QSER1: variants seen among roughly 807,000 people sequenced by gnomAD.
QSER1 encodes glutamine and serine rich 1.
Under a neutral mutation model 158.5 loss-of-function variants are expected in QSER1, and 49 were observed. That is an observed-to-expected ratio of 0.31 (90% confidence interval 0.25 to 0.39). The LOEUF (loss-of-function observed/expected upper bound fraction) is 0.39, where lower values mean the gene tolerates loss of function less well. Ranked by LOEUF, QSER1 falls within the 10% of genes least tolerant of loss-of-function variation. QSER1 has a pLI of 1.00. For synonymous variants in QSER1, 650 were observed against 715.5 expected, an observed-to-expected ratio of 0.91 and a Z score of 1.46; for missense variants, 1,754 against 2,010.3, an observed-to-expected ratio of 0.87 and a Z score of 2.44.
intron 4 of QSER1, among the ~76,000 whole-genome samples, chr11:32,938,528 C>G (rs1852185774): frequency 6.6e-6 from 1 of 152,172 alleles, no homozygotes; most frequent in Non-Finnish European, 1.5e-5. Context: ...TTTCACAGTT[C>G]CATGGTAAAT....
In QSER1 at chr11:32,954,042, G is replaced by T. The variant is rs766166263; in HGVS notation, c.4363G>T (p.Asp1455Tyr). The T allele has an allele frequency of 8.7e-6, 14 of 1,614,132 alleles. No individual in the cohort carries two copies. Among genetic ancestry groups the T allele is most frequent in the Non-Finnish European group, 1.1e-5 (13 of 1,180,028 alleles). ...CATTGAACTTGATGGTCTTCCTTCA[G>T]ACCAGTTTGCAAAAGGACAGGACAC... The part of the protein sequence containing the change: ...KPIELDGLPS[D>Y]QFAKGQDTVA... Residue 1455 changes from aspartate to tyrosine, a missense_variant, in exon 5 of 13, where the codon GAC (aspartate) becomes TAC (tyrosine). This residue lies in a region of QSER1 where 1,707 missense variants were observed against 1,919.6 expected (regional missense o/e 0.89). Coordinates refer to ENST00000650167, the MANE Select transcript of QSER1 (RefSeq NM_001076786.3).
At chr11:32,939,568 C>T (rs1022223368) in intron 4 of QSER1, among the ~76,000 whole-genome samples, 2 of 152,076 alleles carry the variant, frequency 1.3e-5, no homozygotes, top group African/African-American at 4.8e-5. Flanking sequence ...CTATTAACAT[C>T]CTCTGAAGAA....
At chr11:32,963,573 G>A (rs1322297855) in intron 8 of QSER1, among the ~76,000 whole-genome samples, 1 of 152,014 alleles carries the variant, frequency 6.6e-6, no homozygotes, top group African/African-American at 2.4e-5. Flanking sequence ...GGTTGGTCTT[G>A]AATGCTTGAC....
intron 7 of QSER1, among the ~76,000 whole-genome samples, 190 bp downstream of exon 7, chr11:32,956,311 T>G (rs1305456246): frequency 1.3e-5 from 2 of 152,110 alleles, no homozygotes; most frequent in Admixed American, 1.3e-4. Context: ...CATGGCTATC[T>G]GTGGTGGGTG....
Position 32,964,729 on chromosome 11 carries a change from TATATATATATAC to T in QSER1, c.4970-1569_4970-1558del, listed in dbSNP as rs1359687808. On this transcript the variant is annotated intron_variant, in intron 8 of 12. Transcript: ENST00000650167. ...AAAAAAAAAACACCATATATATATA[TATATATATATAC>T]ACACACACACACACACACACACACA... Among the ~76,000 whole-genome samples, 280 of 115,056 alleles carry T rather than the reference TATATATATATAC, an allele frequency of 2.4e-3. 2 individuals carry two copies. The highest frequency in any genetic ancestry group is 4.3e-3 in the Middle Eastern group (1 of 230). 75.5% of individuals were successfully genotyped at this position (115,056 alleles called of 152,430 possible).
chr11:32,944,426 G>A (rs1437940700), intron 4 of QSER1, among the ~76,000 whole-genome samples: 4 of 150,486 alleles, frequency 2.7e-5, no homozygotes. Flanking sequence ...AGAGATTCTG[G>A]TATGTTGTGT....
Position 32,972,346 on chromosome 11 carries a change from T to G in QSER1, c.5206-1051T>G, listed in dbSNP as rs188588671. On this transcript the variant is annotated intron_variant, in intron 10 of 12. Transcript: ENST00000650167. ...ACAAGTATCATTCAGTTATTGTTTGTAGCTTTTCAGTCAGGCAGAATGATT... is the reference window on the plus strand; with the variant it reads ...ACAAGTATCATTCAGTTATTGTTTGGAGCTTTTCAGTCAGGCAGAATGATT... 2.6e-5 allele frequency among the ~76,000 whole-genome samples: 4 copies of G among 152,110 alleles called. No individual in the cohort carries two copies. In the East Asian group the frequency reaches 7.7e-4, roughly 29 times the overall value.
At chr11:32,973,284 C>A in intron 10 of QSER1, 113 bp from the exon 11 acceptor site, 1 of 1,103,870 alleles carries the variant, frequency 9.1e-7, no homozygotes, top group Non-Finnish European at 1.4e-6. Context: ...TGCACACACA[C>A]CTCTCTGCAA....
intron 10 of QSER1, 29 bp from the exon 11 acceptor site, chr11:32,973,368 G>T (rs200356060): frequency 1.8e-4 from 289 of 1,610,512 alleles, no homozygotes; most frequent in Middle Eastern, 1.4e-3. Context: ...TTCTTCTGGT[G>T]TCAGTTATTT....
At chr11:32,953,823 A>T in intron 4 of QSER1, 34 bp from the exon 5 acceptor site, 1 of 1,567,702 alleles carries the variant, frequency 6.4e-7, no homozygotes, top group Non-Finnish European at 8.6e-7. Flanking sequence ...AAATATTTGT[A>T]ATACTGATTT....
intron 9 of QSER1, among the ~76,000 whole-genome samples, chr11:32,966,723 G>A (rs998832963): frequency 3.9e-5 from 6 of 152,050 alleles, no homozygotes; most frequent in African/African-American, 1.5e-4. Context: ...CTAAGTGTTA[G>A]TATTACATGA....
intron 1 of QSER1, among the ~76,000 whole-genome samples, chr11:32,902,557 C>T (rs75097741): frequency 0.019 from 2,937 of 152,284 alleles, 45 homozygotes; most frequent in South Asian, 0.038. Flanking sequence ...TCTAAAGTCC[C>T]ACCAGGTTTC....
chr11:32,968,448 A>G (rs1395163643), intron 9 of QSER1, among the ~76,000 whole-genome samples: 1 of 152,230 alleles, frequency 6.6e-6, no homozygotes, highest in East Asian at 1.9e-4. Flanking sequence ...GAGTGGTGAC[A>G]CTGAAAGCCA....
rs1590167243 is a variant in QSER1, at chr11:32,934,116, A to C, written c.2858A>C (p.Lys953Thr). Residue 953 changes from lysine to threonine, a missense_variant, in exon 4 of 13, where the codon AAG (lysine) becomes ACG (threonine). Transcript: ENST00000650167. ...HFSETNQHDS[K>T]NQFVSLGSMC... ...AGTGAAACAAATCAACATGATTCAA[A>C]GAATCAGTTTGTTTCTCTTGGATCG... is the stretch of plus-strand genomic sequence containing the variant. 1 of 1,613,854 alleles carries C rather than the reference A, an allele frequency of 6.2e-7. No homozygotes were observed. The highest frequency in any genetic ancestry group is 2.2e-5 in the East Asian group (1 of 44,878).
chr11:32,969,843 CCTGG>C (rs1372090575), intron 10 of QSER1, among the ~76,000 whole-genome samples: 2 of 152,006 alleles, frequency 1.3e-5, no homozygotes, highest in East Asian at 3.9e-4. Flanking sequence ...CACCACCACA[CCTGG>C]CTAATTTTGG....
Position 32,973,411 on chromosome 11 carries a change from T to A in QSER1, c.5220T>A (p.Ser1740Arg). The change falls in exon 11 of 13, where the codon AGT becomes AGA. Residue 1740 changes from serine to arginine, a missense_variant. By Grantham distance (110) the Ser-to-Arg change is moderately radical (BLOSUM62 -1). Around this residue, in one of 2 missense-constraint regions of QSER1, gnomAD observed 1,707 missense variants for 1,919.6 expected, o/e 0.89. Transcript: ENST00000650167. The stretch of plus-strand genomic sequence containing the variant: ...TTGTTTTCCAGAATGCTTTGGAAAG[T>A]TTTCCTGAACTAACAATAATTACTC... ...LDQSFKNALESFPELTIITRD... is the reference protein window; with the variant it reads ...LDQSFKNALERFPELTIITRD... The A allele has an allele frequency of 6.2e-7, 1 of 1,613,376 alleles. No individual in the cohort carries two copies. Among genetic ancestry groups the A allele is most frequent in the Non-Finnish European group, 8.5e-7 (1 of 1,179,826 alleles).
chr11:32,896,022 C>T (rs117901010), intron 1 of QSER1, among the ~76,000 whole-genome samples: 2,822 of 152,296 alleles, frequency 0.019, 45 homozygotes, highest in South Asian at 0.038. Flanking sequence ...GGGATAAGGA[C>T]TGGCCATATA....
In QSER1 at chr11:32,954,044, C is replaced by A; in HGVS notation, c.4365C>A (p.Asp1455Glu). The A allele has an allele frequency of 6.2e-7, 1 of 1,614,074 alleles. No homozygotes were observed. Among genetic ancestry groups the A allele is most frequent in the Non-Finnish European group, 8.5e-7 (1 of 1,180,006 alleles). ...TTGAACTTGATGGTCTTCCTTCAGACCAGTTTGCAAAAGGACAGGACACTG... is the reference window on the plus strand; with the variant it reads ...TTGAACTTGATGGTCTTCCTTCAGAACAGTTTGCAAAAGGACAGGACACTG... ...KPIELDGLPS[D>E]QFAKGQDTVA... is the part of the protein sequence containing the mutation. Residue 1455 changes from aspartate (D) to glutamate (E), a missense_variant, in exon 5 of 13, where the codon GAC becomes GAA. Asp to Glu is a conservative substitution (Grantham distance 45). This residue lies in a region of QSER1 where 1,707 missense variants were observed against 1,919.6 expected (regional missense o/e 0.89). Coordinates refer to ENST00000650167, the MANE Select transcript of QSER1 (RefSeq NM_001076786.3).
intron 4 of QSER1, among the ~76,000 whole-genome samples, chr11:32,940,979 G>C (rs940593015): frequency 5.3e-5 from 8 of 150,866 alleles, no homozygotes; most frequent in Non-Finnish European, 1.2e-4. Flanking sequence ...TCTCTTTCTG[G>C]CTTCTTGAGT....
Sources: gnomAD v4.1 joint callset for allele counts (sites outside exome capture counted in the v4.1 genomes callset) on GRCh38, gnomAD v4.1.1 for gene constraint, gnomAD v4.1.1 regional missense constraint, MANE v1.5 for transcripts, NCBI Gene and HGNC (gene_info 2026-07-23, HGNC 2026-07-21) for gene names.